ATP6V0A4: variants seen among roughly 807,000 people sequenced by gnomAD.
The protein encoded by ATP6V0A4 is ATPase H+ transporting V0 subunit a4.
A neutral mutation model predicts 107.3 loss-of-function variants in ATP6V0A4; 86 were observed. The observed-to-expected ratio is 0.80, with a 90% CI of 0.67 to 0.96. The LOEUF is 0.96. Ranked by LOEUF, ATP6V0A4 falls within the 40% of genes least tolerant of loss-of-function variation. ATP6V0A4 has a pLI of 0.00. For synonymous variants in ATP6V0A4, 353 were observed against 381.4 expected, an observed-to-expected ratio of 0.93 and a Z score of 0.87; for missense variants, 908 against 1,045.6, an observed-to-expected ratio of 0.87 and a Z score of 1.81.
At chr7:138,789,960 C>T (rs1213490981) in intron 1 of ATP6V0A4, among the ~76,000 whole-genome samples, 3 of 139,092 alleles carry the variant, frequency 2.2e-5, no homozygotes, top group Non-Finnish European at 3.1e-5. Flanking sequence ...CAGAGCAAGA[C>T]TCTGTCTCAA....
chr7:138,791,930 C>A (rs1462740778), intron 1 of ATP6V0A4, among the ~76,000 whole-genome samples: 1 of 152,120 alleles, frequency 6.6e-6, no homozygotes. Context: ...CTCATATATT[C>A]ACTTGGAAAA....
intron 5 of ATP6V0A4, among the ~76,000 whole-genome samples, chr7:138,767,644 CA>C (rs201479201): frequency 0.017 from 1,607 of 97,294 alleles, 6 homozygotes; most frequent in African/African-American, 0.034. Context: ...AAGTTATCTT[CA>C]AAAAAAAAAA....
At chr7:138,744,438 A>G (rs1262441451) in intron 14 of ATP6V0A4, among the ~76,000 whole-genome samples, 2 of 152,014 alleles carry the variant, frequency 1.3e-5, no homozygotes, top group African/African-American at 2.4e-5. Flanking sequence ...GGGTTTCACC[A>G]TGTTGGCCAG....
chr7:138,743,810 A>T (rs1420852301), intron 14 of ATP6V0A4, among the ~76,000 whole-genome samples: 1 of 152,198 alleles, frequency 6.6e-6, no homozygotes, highest in East Asian at 1.9e-4. Flanking sequence ...GGTTTTACAA[A>T]TTAGCCCTCA....
At chr7:138,715,442 C>T (rs961376235) in intron 20 of ATP6V0A4, among the ~76,000 whole-genome samples, 2 of 152,180 alleles carry the variant, frequency 1.3e-5, no homozygotes, top group Admixed American at 6.6e-5. Context: ...TCAAACAATT[C>T]GCCCAAACTC....
chr7:138,732,363 G>A (rs375318733), intron 17 of ATP6V0A4, among the ~76,000 whole-genome samples: 49 of 152,124 alleles, frequency 3.2e-4, no homozygotes, highest in African/African-American at 1.1e-3. Context: ...CAACAAGAAT[G>A]GTTGGAGCCA....
intron 17 of ATP6V0A4, among the ~76,000 whole-genome samples, chr7:138,730,939 A>C (rs2353838): frequency 2.2e-5 from 3 of 135,750 alleles, no homozygotes; most frequent in African/African-American, 8.4e-5. Context: ...TTCTTTTTTT[A>C]TTTTTTTTTT....
At chr7:138,715,341 C>G (rs1384679102) in intron 20 of ATP6V0A4, among the ~76,000 whole-genome samples, 1 of 152,144 alleles carries the variant, frequency 6.6e-6, no homozygotes, top group African/African-American at 2.4e-5. Flanking sequence ...GCTAGAGTTA[C>G]AGGCACCCGC....
chr7:138,769,097 T>C, intron 4 of ATP6V0A4, 76 bp downstream of exon 4: 3 of 1,599,664 alleles, frequency 1.9e-6, no homozygotes, highest in Non-Finnish European at 2.5e-6. Context: ...ATTTGTTCAT[T>C]AAGTCCTGCA....
intron 2 of ATP6V0A4, among the ~76,000 whole-genome samples, chr7:138,780,919 A>T (rs973826125): frequency 2.6e-5 from 4 of 151,698 alleles, no homozygotes; most frequent in African/African-American, 7.2e-5. Context: ...AGAAAAAATA[A>T]AAAAAAAATT....
At chr7:138,718,584 C>CATGGGGA (rs1562980961) in intron 19 of ATP6V0A4, among the ~76,000 whole-genome samples, 1,860 of 58,990 alleles carry the variant, frequency 0.032, 100 homozygotes, top group Non-Finnish European at 0.046. Context: ...AGGCATGGGG[C>CATGGGGA]GGAATGGGGA....
chr7:138,707,346 T>TATAA (rs1443802862), intron 21 of ATP6V0A4, among the ~76,000 whole-genome samples: 1 of 102,164 alleles, frequency 9.8e-6, no homozygotes, highest in African/African-American at 4.0e-5. Flanking sequence ...AATATATATA[T>TATAA]TATAATATAT....
intron 2 of ATP6V0A4, among the ~76,000 whole-genome samples, chr7:138,772,081 A>G (rs1807422346): frequency 6.6e-6 from 1 of 152,196 alleles, no homozygotes; most frequent in East Asian, 1.9e-4. Flanking sequence ...AGTCAGGAAA[A>G]ATAGTTTTTG....
At chr7:138,779,867 G>A (rs918111801) in intron 2 of ATP6V0A4, among the ~76,000 whole-genome samples, 4 of 152,182 alleles carry the variant, frequency 2.6e-5, no homozygotes, top group Non-Finnish European at 5.9e-5. Flanking sequence ...ATGCACAAGT[G>A]TGTTCATAAA....
intron 6 of ATP6V0A4, 35 bp from the exon 7 acceptor site, chr7:138,762,469 A>G (rs756822339): frequency 6.2e-7 from 1 of 1,612,806 alleles, no homozygotes; most frequent in South Asian, 1.1e-5. Flanking sequence ...TCATTTAAAT[A>G]TATTTAGGGA....
intron 2 of ATP6V0A4, among the ~76,000 whole-genome samples, chr7:138,774,608 T>G (rs1395387068): frequency 4.4e-5 from 3 of 68,750 alleles, no homozygotes; most frequent in Non-Finnish European, 1.1e-4. Context: ...TATATATATC[T>G]ATATATATAA....
At chr7:138,758,615 G>A (rs1806625024) in intron 8 of ATP6V0A4, among the ~76,000 whole-genome samples, 1 of 152,138 alleles carries the variant, frequency 6.6e-6, no homozygotes, top group African/African-American at 2.4e-5. Context: ...GGCACTAAGG[G>A]CTGAGCCCCC....
At chr7:138,723,712 G>T (rs1343765986) in intron 18 of ATP6V0A4, among the ~76,000 whole-genome samples, 2 of 151,640 alleles carry the variant, frequency 1.3e-5, no homozygotes, top group African/African-American at 2.4e-5. Context: ...TTTTAATAGA[G>T]ACGGGGTTTC....
intron 3 of ATP6V0A4, among the ~76,000 whole-genome samples, chr7:138,769,677 C>T (rs12707396): frequency 0.89 from 135,256 of 152,154 alleles, 60,431 homozygotes; most frequent in Middle Eastern, 0.95. Context: ...ATCTTAGGAA[C>T]AGATACTTCC....
Sources: gnomAD v4.1 joint callset for allele counts (sites outside exome capture counted in the v4.1 genomes callset) on GRCh38, gnomAD v4.1.1 for gene constraint, MANE v1.5 for transcripts, NCBI Gene and HGNC (gene_info 2026-07-23, HGNC 2026-07-21) for gene names.